The following SOX5 variants were observed in gnomAD, a reference collection of about 807,000 sequenced individuals.
The protein encoded by SOX5 is transcription factor SOX-5.
A neutral mutation model predicts 92.0 loss-of-function variants in SOX5; 9 were observed. The ratio of observed to expected loss-of-function variants is 0.10; its 90% CI spans 0.06 to 0.17. SOX5 has a LOEUF of 0.17. Ranked by LOEUF, SOX5 falls within the 10% of genes least tolerant of loss-of-function variation. The pLI is 1.00. For missense variants in SOX5, 642 were observed against 944.5 expected, an observed-to-expected ratio of 0.68 and a Z score of 4.20; for synonymous variants, 344 against 336.3, an observed-to-expected ratio of 1.02 and a Z score of -0.25.
intron 4 of SOX5, among the ~76,000 whole-genome samples, chr12:24,202,507 G>T (rs995966544): frequency 1.3e-5 from 2 of 152,172 alleles, no homozygotes; most frequent in Non-Finnish European, 2.9e-5. Context: ...ATGATTTGAT[G>T]ATCTATGGCC....
intron 3 of SOX5, among the ~76,000 whole-genome samples, chr12:24,229,412 A>G (rs570874197): frequency 2.6e-5 from 3 of 115,916 alleles, no homozygotes; most frequent in African/African-American, 8.7e-5. Flanking sequence ...CTGTAGAAGC[A>G]TAAGAAAAAA....
At position 24,082,523 on chromosome 12, in the gene SOX5, A is replaced by G. The variant is rs1943488540; in HGVS notation, c.-2+130820T>C. On this transcript the variant is annotated intron_variant, in intron 4 of 4. Transcript: ENST00000446891. ...TAAAGTTGTTACAATTAAGATTTTG[A>G]TTTTAATTAAGAATGGGATTTGTAG... Among the ~76,000 whole-genome samples the G allele has an allele frequency of 2.1e-5, 3 of 146,336 alleles. No individual in the cohort carries two copies. The Admixed American group carries it at 2.1e-4, about 10-fold the overall frequency.
At chr12:24,307,504 A>AGGAG (rs1565874128) in intron 2 of SOX5, among the ~76,000 whole-genome samples, 1 of 36,074 alleles carries the variant, frequency 2.8e-5, no homozygotes, top group African/African-American at 5.0e-5. Flanking sequence ...GAAGGAAGGA[A>AGGAG]GGAAGGAAGG....
intron 4 of SOX5, among the ~76,000 whole-genome samples, chr12:23,992,172 G>A (rs963901632): frequency 1.3e-5 from 2 of 149,574 alleles, no homozygotes; most frequent in Non-Finnish European, 2.9e-5. Context: ...TATGTTTTGA[G>A]GAGCTTTGGT....
intron 1 of SOX5, among the ~76,000 whole-genome samples, chr12:23,910,748 G>A (rs1459075283): frequency 6.6e-6 from 1 of 152,094 alleles, no homozygotes; most frequent in Non-Finnish European, 1.5e-5. Context: ...TCTTCGTACT[G>A]TCCTGTCAGT....
chr12:24,087,944 G>A (rs1158209553), intron 4 of SOX5, among the ~76,000 whole-genome samples: 3 of 151,978 alleles, frequency 2.0e-5, no homozygotes, highest in Middle Eastern at 3.2e-3. Flanking sequence ...GTGTAATGAA[G>A]GAAAGGCAGG....
chr12:24,058,771 G>C (rs764594937), intron 4 of SOX5, among the ~76,000 whole-genome samples: 8 of 151,132 alleles, frequency 5.3e-5, no homozygotes, highest in African/African-American at 1.9e-4. Flanking sequence ...TCATCAGGTT[G>C]CTGTAATAAG....
chr12:23,623,881 A>G (rs1000014609), intron 8 of SOX5, among the ~76,000 whole-genome samples: 1 of 152,142 alleles, frequency 6.6e-6, no homozygotes, highest in African/African-American at 2.4e-5. Context: ...AGATATGTGT[A>G]TATCCAATAT....
chr12:24,404,725 C>A (rs372663685), intron 1 of SOX5, among the ~76,000 whole-genome samples: 1 of 152,106 alleles, frequency 6.6e-6, no homozygotes, highest in African/African-American at 2.4e-5. Flanking sequence ...AAGGTCTGTG[C>A]GACTTTGAAG....
intron 2 of SOX5, among the ~76,000 whole-genome samples, chr12:23,893,907 G>C (rs1274507028): frequency 6.6e-6 from 1 of 152,186 alleles, no homozygotes; most frequent in Non-Finnish European, 1.5e-5. Context: ...ATGATGTGCA[G>C]TAAGATTTAA....
At chr12:23,797,942 G>T (rs1331655882) in intron 3 of SOX5, among the ~76,000 whole-genome samples, 5 of 151,422 alleles carry the variant, frequency 3.3e-5, no homozygotes, top group African/African-American at 1.2e-4. Flanking sequence ...TGTTTTGTTT[G>T]GTTTTGTTTT....
intron 11 of SOX5, among the ~76,000 whole-genome samples, chr12:23,550,992 G>A (rs186859418): frequency 1.3e-5 from 2 of 152,072 alleles, no homozygotes; most frequent in African/African-American, 4.8e-5. Context: ...GCTAAGTGAT[G>A]AGCTTCGCTC....
chr12:23,758,736 G>A (rs1038429178), intron 3 of SOX5, among the ~76,000 whole-genome samples: 5 of 151,890 alleles, frequency 3.3e-5, no homozygotes, highest in Admixed American at 2.0e-4. Flanking sequence ...GTTGGGAGGT[G>A]AGGCCTAATG....
At chr12:24,305,588 T>C (rs1480197829) in intron 2 of SOX5, among the ~76,000 whole-genome samples, 1 of 152,152 alleles carries the variant, frequency 6.6e-6, no homozygotes, top group Non-Finnish European at 1.5e-5. Context: ...AAAAATATTT[T>C]ATTTATTTGT....
chr12:23,942,549 C>T (rs951450386), intron 1 of SOX5, among the ~76,000 whole-genome samples: 1 of 151,756 alleles, frequency 6.6e-6, no homozygotes. Context: ...TGAAAATGTT[C>T]CTGAAGCCCT....
intron 2 of SOX5, among the ~76,000 whole-genome samples, chr12:24,299,944 A>G (rs1354346884): frequency 6.6e-6 from 1 of 152,186 alleles, no homozygotes; most frequent in Non-Finnish European, 1.5e-5. Flanking sequence ...CCTTCATTTT[A>G]CCAAGAAATC....
chr12:23,535,967 C>G (rs1011132790), intron 14 of SOX5, among the ~76,000 whole-genome samples: 5 of 152,174 alleles, frequency 3.3e-5, no homozygotes, highest in Admixed American at 1.3e-4. Flanking sequence ...CCTTGTTACA[C>G]CCTAAATATA....
At chr12:23,615,194 C>T (rs932149066) in intron 8 of SOX5, among the ~76,000 whole-genome samples, 19 of 152,022 alleles carry the variant, frequency 1.2e-4, no homozygotes, top group Non-Finnish European at 4.4e-5. Flanking sequence ...TTGCATTTCT[C>T]TAATGATGTT....
At chr12:23,717,716 C>T (rs144618491) in intron 6 of SOX5, among the ~76,000 whole-genome samples, 430 of 152,162 alleles carry the variant, frequency 2.8e-3, no homozygotes, top group African/African-American at 9.9e-3. Context: ...ACAGCCAGAA[C>T]GGAATAAAAC....
Sources: gnomAD v4.1 joint callset for allele counts (sites outside exome capture counted in the v4.1 genomes callset) on GRCh38, gnomAD v4.1.1 for gene constraint, MANE v1.5 for transcripts, NCBI Gene and HGNC (gene_info 2026-07-23, HGNC 2026-07-21) for gene names.